FSTL5: variants seen among roughly 807,000 people sequenced by gnomAD.
FSTL5 encodes the protein follistatin-related protein 5.
In FSTL5, 62 loss-of-function variants were observed where a neutral mutation model predicts 89.1. The ratio of observed to expected loss-of-function variants is 0.70; its 90% CI spans 0.57 to 0.86. The LOEUF is 0.86. Ranked by LOEUF, FSTL5 falls within the 40% of genes least tolerant of loss-of-function variation. The pLI, the probability that FSTL5 is intolerant of heterozygous loss-of-function variation, is 0.00. For missense variants in FSTL5, 1,057 were observed against 1,001.6 expected, an observed-to-expected ratio of 1.06 and a Z score of -0.75; for synonymous variants, 383 against 346.2, an observed-to-expected ratio of 1.11 and a Z score of -1.18.
At chr4:161,641,122 G>T (rs1735944060) in intron 7 of FSTL5, among the ~76,000 whole-genome samples, 1 of 152,090 alleles carries the variant, frequency 6.6e-6, no homozygotes, top group African/African-American at 2.4e-5. Context: ...TTTGATACCT[G>T]CTCACCTGCC....
chr4:161,963,144 A>C (rs6816609), intron 3 of FSTL5, among the ~76,000 whole-genome samples: 60,711 of 151,806 alleles, frequency 0.4, 12,451 homozygotes, highest in Middle Eastern at 0.55. Context: ...CAAAATAAGA[A>C]TACCATGGAA....
chr4:161,469,646 T>G (rs1224286438), intron 13 of FSTL5, among the ~76,000 whole-genome samples: 1 of 151,894 alleles, frequency 6.6e-6, no homozygotes, highest in Non-Finnish European at 1.5e-5. Flanking sequence ...ATCTATTTTT[T>G]TTTTTTTTTG....
In FSTL5 at chr4:161,782,837, G is replaced by A. The variant is rs571625144; in HGVS notation, c.410-6763C>T. 4.6e-5 allele frequency among the ~76,000 whole-genome samples: 7 copies of A among 152,276 alleles called. No individual in the cohort carries two copies. In the South Asian group the frequency reaches 1.2e-3, roughly 27 times the overall value. On this transcript the variant is annotated intron_variant, in intron 4 of 15. Coordinates refer to ENST00000306100, the MANE Select transcript of FSTL5 (RefSeq NM_020116.5). ...AGTTTGATATTCTAGTTCAGCAAAT[G>A]TGATTATGTATTAGAATTTCAATAA...
intron 7 of FSTL5, among the ~76,000 whole-genome samples, chr4:161,656,068 T>A (rs1294070880): frequency 1.3e-5 from 2 of 152,174 alleles, no homozygotes; most frequent in South Asian, 4.1e-4. Flanking sequence ...TAATAGATAT[T>A]CCCTGTAAAG....
chr4:161,426,665 C>G (rs568700789), intron 15 of FSTL5, among the ~76,000 whole-genome samples: 1 of 152,272 alleles, frequency 6.6e-6, no homozygotes, highest in African/African-American at 2.4e-5. Context: ...CAGTCTGGCT[C>G]ACTGCAACCT....
Position 161,437,565 on chromosome 4 carries a change from C to CAAAAAA in FSTL5, c.1841+17433_1841+17438dup, listed in dbSNP as rs56229701. Among the ~76,000 whole-genome samples the CAAAAAA allele has an allele frequency of 3.9e-4, 27 of 68,540 alleles. 5 individuals are homozygous for CAAAAAA. In the East Asian group the frequency reaches 5.3e-3, roughly 13 times the overall value. 45.0% of individuals were successfully genotyped at this position (68,540 alleles called of 152,430 possible). A position where few individuals can be genotyped will look rare whatever the true frequency, so the allele number is the denominator to read the frequency against. The stretch of plus-strand genomic sequence containing the variant: ...CTGGTGACAGAGTGAGACTCCGTCT[C>CAAAAAA]AAAAAAAAAAAAAAAAACGAGGTCA... On this transcript the variant is annotated intron_variant, in intron 15 of 15. Transcript: ENST00000306100.
In FSTL5 at chr4:161,396,231, G is replaced by A. The variant is rs1022482152; in HGVS notation, c.1842-9782C>T. The stretch of plus-strand genomic sequence containing the variant: ...AAGTTACATGAACGCACACATGACT[G>A]ATTAAGTAAAATGTGGTGGGCCACA... On this transcript the variant is annotated intron_variant, in intron 15 of 15. Coordinates refer to ENST00000306100, the MANE Select transcript of FSTL5 (RefSeq NM_020116.5). Among the ~76,000 whole-genome samples, 4 of 152,060 alleles carry A rather than the reference G, an allele frequency of 2.6e-5. No individual in the cohort carries two copies. The East Asian group carries it at 7.7e-4, about 29-fold the overall frequency.
In FSTL5 at chr4:162,079,759, A is replaced by C. The variant is rs1218864902; in HGVS notation, c.126+31512T>G. ...CTCAAGAAAAATGAAATAGAAGAAAAAAACTACATAATCAGAATATTCAAT... is the reference window on the plus strand; with the variant it reads ...CTCAAGAAAAATGAAATAGAAGAAACAAACTACATAATCAGAATATTCAAT... On this transcript the variant is annotated intron_variant, in intron 2 of 15. Transcript: ENST00000306100. Among the ~76,000 whole-genome samples, 3 of 151,508 alleles carry C rather than the reference A, an allele frequency of 2.0e-5. No homozygotes were observed. In the Admixed American group the frequency reaches 2.0e-4, roughly 10 times the overall value.
At chr4:161,675,104 G>C (rs1737257514) in intron 6 of FSTL5, among the ~76,000 whole-genome samples, 1 of 152,062 alleles carries the variant, frequency 6.6e-6, no homozygotes, top group Non-Finnish European at 1.5e-5. Flanking sequence ...TCACCAGATA[G>C]GTATGACTCT....
chr4:162,060,516 C>T (rs916439627), intron 2 of FSTL5, among the ~76,000 whole-genome samples: 3 of 151,984 alleles, frequency 2.0e-5, no homozygotes, highest in Admixed American at 1.3e-4. Flanking sequence ...TTATTTACTT[C>T]AGTTTTCATA....
At chr4:161,466,294 C>T (rs548182357) in intron 13 of FSTL5, among the ~76,000 whole-genome samples, 16 of 152,178 alleles carry the variant, frequency 1.1e-4, no homozygotes, top group African/African-American at 2.9e-4. Context: ...TGAGGGGGTG[C>T]ATATACAACA....
chr4:161,844,788 C>T (rs1221987083), intron 4 of FSTL5, among the ~76,000 whole-genome samples: 1 of 151,624 alleles, frequency 6.6e-6, no homozygotes, highest in African/African-American at 2.4e-5. Context: ...TGGGGCCTGT[C>T]GGGGGCTTGG....
chr4:161,394,369 G>A (rs1730929835), intron 15 of FSTL5, among the ~76,000 whole-genome samples: 1 of 152,126 alleles, frequency 6.6e-6, no homozygotes, highest in South Asian at 2.1e-4. Context: ...TCCACCTTCT[G>A]GGTTCAAGTG....
intron 4 of FSTL5, 99 bp from the exon 5 acceptor site, chr4:161,776,173 T>C (rs1239331144): frequency 3.3e-6 from 2 of 607,832 alleles, no homozygotes; most frequent in Non-Finnish European, 5.1e-6. Flanking sequence ...ACATACTATG[T>C]ACATAATTTT....
intron 4 of FSTL5, among the ~76,000 whole-genome samples, chr4:161,828,496 T>C (rs1022679559): frequency 6.6e-6 from 1 of 152,190 alleles, no homozygotes; most frequent in Non-Finnish European, 1.5e-5. Context: ...TTTTCCTCTC[T>C]CAGTAGTCTG....
chr4:161,570,215 C>A (rs1457473705), intron 8 of FSTL5, among the ~76,000 whole-genome samples: 1 of 152,028 alleles, frequency 6.6e-6, no homozygotes, highest in Non-Finnish European at 1.5e-5. Flanking sequence ...GAGTGAAGAG[C>A]AGGTGGGGGC....
At chr4:161,450,914 TTA>T (rs1733141943) in intron 15 of FSTL5, among the ~76,000 whole-genome samples, 1 of 151,882 alleles carries the variant, frequency 6.6e-6, no homozygotes, top group Non-Finnish European at 1.5e-5. Context: ...TGGCTAATTT[TTA>T]TGCATTTTCA....
At chr4:162,153,575 C>A (rs1017395823) in intron 1 of FSTL5, among the ~76,000 whole-genome samples, 1 of 144,636 alleles carries the variant, frequency 6.9e-6, no homozygotes, top group East Asian at 2.0e-4. Context: ...TAATTTATTT[C>A]TCTTAAAATA....
intron 15 of FSTL5, among the ~76,000 whole-genome samples, chr4:161,397,399 A>T (rs2110894218): frequency 6.6e-6 from 1 of 152,010 alleles, no homozygotes; most frequent in Admixed American, 6.6e-5. Flanking sequence ...GTATAAAATT[A>T]ATAATAGAAT....
Sources: allele counts gnomAD v4.1 joint callset (sites outside exome capture counted in the v4.1 genomes callset), GRCh38; gene constraint gnomAD v4.1.1; transcripts MANE v1.5; gene names NCBI Gene and HGNC (gene_info 2026-07-23, HGNC 2026-07-21).